The following DCLRE1A variants were observed in gnomAD, a reference collection of about 807,000 sequenced individuals.
The protein encoded by DCLRE1A is DNA cross-link repair 1A protein.
DCLRE1A carries 64 observed loss-of-function variants against 91.9 expected under a neutral mutation model. That is an observed-to-expected ratio of 0.70 (90% CI 0.57 to 0.86). The LOEUF is 0.86. Among genes scored for constraint, DCLRE1A ranks in the 40% least tolerant of loss-of-function variants. The pLI is 0.00. For missense variants in DCLRE1A, 1,145 were observed against 1,213.3 expected (o/e 0.94, Z 0.84); for synonymous variants, 416 against 431.1 (o/e 0.96, Z 0.43).
Position 113,844,116 on chromosome 10 carries a change from T to C in DCLRE1A, c.2507A>G (p.Tyr836Cys), listed in dbSNP as rs1011240314. Residue 836 changes from tyrosine (Y) to cysteine (C), a missense_variant, in exon 5 of 9, where the codon TAC becomes TGC. Tyr to Cys is a radical substitution (Grantham distance 194, BLOSUM62 -2). Transcript: ENST00000361384. Reference protein sequence around the residue: ...LLADQKVHMLYLDTTYCSPEY... With the variant: ...LLADQKVHMLCLDTTYCSPEY... ...AAGCCTCTCTTACGTGGTATCTAAGTACAGCATATGGACTTTCTGGTCCGC... is the reference window on the plus strand; with the variant it reads ...AAGCCTCTCTTACGTGGTATCTAAGCACAGCATATGGACTTTCTGGTCCGC... 2.5e-6 allele frequency: 4 copies of C among 1,614,072 alleles called. No individual in the cohort carries two copies. The African/African-American group carries it at 4.0e-5, about 16-fold the overall frequency.
Position 113,849,547 on chromosome 10 carries a change from TTG to T in DCLRE1A, c.1556_1557del (p.Thr519AsnfsTer9). 1 of 1,613,790 alleles carries T rather than the reference TTG, an allele frequency of 6.2e-7. No individual in the cohort carries two copies. Among genetic ancestry groups the T allele is most frequent in the Non-Finnish European group, 8.5e-7 (1 of 1,179,982 alleles). ...ALEGVPVGKA[T>X]ILNTENLSST... ...CTAGACAAGTTTTCTGTATTTAAAA[TTG>T]TAGCTTTACCAACTGGCACACCCTC... On this transcript the variant is annotated frameshift_variant, in exon 2 of 9. Transcript: ENST00000361384. LOFTEE classifies it high-confidence loss of function.
In DCLRE1A at chr10:113,835,292, T is replaced by C. The variant is rs1039095870; in HGVS notation, c.2983A>G (p.Ser995Gly). The C allele has an allele frequency of 1.2e-6, 2 of 1,605,568 alleles. No homozygotes were observed. The highest frequency in any genetic ancestry group is 2.7e-5 in the African/African-American group (2 of 74,406). The change falls in exon 9 of 9, where the codon AGC (serine) becomes GGC (glycine). Residue 995 changes from serine (S) to glycine (G), a missense_variant. Ser to Gly is a moderately conservative substitution (Grantham distance 56). Coordinates refer to ENST00000361384, the MANE Select transcript of DCLRE1A (RefSeq NM_014881.5). ...SIYGIPYSEH[S>G]SYLEMKRFVQ... ...AAGCGCTTCATTTCTAGGTAGCTGCTGTGTTCACTGTAAGGAATTCCTGTA... is the reference window on the plus strand; with the variant it reads ...AAGCGCTTCATTTCTAGGTAGCTGCCGTGTTCACTGTAAGGAATTCCTGTA...
chr10:113,846,153 G>T (rs1257733270), intron 3 of DCLRE1A, among the ~76,000 whole-genome samples: 1 of 152,060 alleles, frequency 6.6e-6, no homozygotes, highest in Non-Finnish European at 1.5e-5. Flanking sequence ...ATATTTCTCA[G>T]GTGCCTGTGC....
At position 113,849,214 on chromosome 10, in the gene DCLRE1A, A is replaced by G. The variant is rs1845596464; in HGVS notation, c.1891T>C (p.Ser631Pro). The change falls in exon 2 of 9, where the codon TCA becomes CCA. Residue 631 changes from serine (S) to proline (P), a missense_variant. By Grantham distance (74) the Ser-to-Pro change is moderately conservative (BLOSUM62 -1). Coordinates refer to ENST00000361384, the MANE Select transcript of DCLRE1A (RefSeq NM_014881.5). Reference sequence around the variant, plus strand: ...CTACATCTCTTTTTTTGACGCTGTGACCTCTCACTAGAAAGTTCCACAGAA... The same window carrying G: ...CTACATCTCTTTTTTTGACGCTGTGGCCTCTCACTAGAAAGTTCCACAGAA... ...QLSVELSSER[S>P]QRQKKRCRKS... 1 of 1,614,014 alleles carries G rather than the reference A, an allele frequency of 6.2e-7. No homozygotes were observed. The highest frequency in any genetic ancestry group is 1.3e-5 in the African/African-American group (1 of 75,016).
At position 113,835,150 on chromosome 10, in the gene DCLRE1A, C is replaced by T; in HGVS notation, c.*2G>A. The T allele has an allele frequency of 6.2e-7, 1 of 1,612,628 alleles. No individual in the cohort carries two copies. Among genetic ancestry groups the T allele is most frequent in the Non-Finnish European group, 8.5e-7 (1 of 1,179,538 alleles). Reference sequence around the variant, plus strand: ...ACTACTACTGAATCCTCGGAGGTATCATCAATATCCAGCTTCCAATTTCCA... The same window carrying T: ...ACTACTACTGAATCCTCGGAGGTATTATCAATATCCAGCTTCCAATTTCCA... On this transcript the variant is annotated 3_prime_UTR_variant, in exon 9 of 9. Transcript: ENST00000361384.
chr10:113,847,419 C>CT, intron 2 of DCLRE1A, 84 bp from the exon 3 acceptor site: 1 of 1,399,424 alleles, frequency 7.1e-7, no homozygotes, highest in East Asian at 2.3e-5. Context: ...ACCCTCTATC[C>CT]TCTTTACCTC....
In DCLRE1A at chr10:113,849,669, G is replaced by A. The variant is rs916928686; in HGVS notation, c.1436C>T (p.Ser479Phe). 6.2e-7 allele frequency: 1 copy of A among 1,614,142 alleles called. No homozygotes were observed. Among genetic ancestry groups the A allele is most frequent in the Non-Finnish European group, 8.5e-7 (1 of 1,180,026 alleles). The change falls in exon 2 of 9, where the codon TCC (serine) becomes TTC (phenylalanine). Residue 479 changes from serine (S) to phenylalanine (F), a missense_variant. Ser to Phe is a radical substitution (Grantham distance 155, BLOSUM62 -2). Transcript: ENST00000361384. ...TCTAATTGTATTTTGGGTTGGTTGG[G>A]AAGAAAGATACCCTTCTACCTGACT... Reference protein sequence around the residue: ...FESQVEGYLSSQPTQNTIRKL... With the variant: ...FESQVEGYLSFQPTQNTIRKL...
At position 113,842,442 on chromosome 10, in the gene DCLRE1A, G is replaced by A. The variant is rs1202723580; in HGVS notation, c.2566C>T (p.Arg856Trp). Residue 856 changes from arginine (R) to tryptophan (W), a missense_variant, in exon 6 of 9, where the codon CGG becomes TGG. By Grantham distance (101) the Arg-to-Trp change is moderately radical. Transcript: ENST00000361384. ...YTFPSQQEVI[R>W]FAINTAFEAV... The stretch of plus-strand genomic sequence containing the variant: ...TCAAAGGCAGTGTTGATGGCAAACC[G>A]GATAACCTCTTGCTGAGATGGAAAG... 55 of 1,613,744 alleles carry A rather than the reference G, an allele frequency of 3.4e-5. No individual in the cohort carries two copies. The highest frequency in any genetic ancestry group is 4.2e-5 in the Non-Finnish European group (49 of 1,179,828).
At position 113,843,004 on chromosome 10, in the gene DCLRE1A, G is replaced by GTA. The variant is rs539680405; in HGVS notation, c.2520-518_2520-517dup. ...CAGATACAAAATATATATACTATGT[G>GTA]TATATATATGTACATGTGTACACAC... On this transcript the variant is annotated intron_variant, in intron 5 of 8. Coordinates refer to ENST00000361384, the MANE Select transcript of DCLRE1A (RefSeq NM_014881.5). Among the ~76,000 whole-genome samples, 415 of 144,808 alleles carry GTA rather than the reference G, an allele frequency of 2.9e-3. 1 individual carries two copies. The highest frequency in any genetic ancestry group is 0.01 in the African/African-American group (396 of 38,778). 95.0% of individuals were successfully genotyped at this position (144,808 alleles called of 152,430 possible). A position where few individuals can be genotyped will look rare whatever the true frequency, so the allele number is the denominator to read the frequency against.
Position 113,847,335 on chromosome 10 carries a change from C to T in DCLRE1A, c.2126G>A (p.Gly709Glu). ...KTCPFYKKIP[G>E]TGFTVDAFQY... ...AAAGGCATCAACTGTAAAGCCGGTT[C>T]CTGCAATAAAAATACCGACACAGTA... The change falls in exon 3 of 9, where the codon GGA becomes GAA. Residue 709 changes from glycine to glutamate, a missense_variant and splice_region_variant. Gly to Glu is a moderately conservative substitution (Grantham distance 98). Coordinates refer to ENST00000361384, the MANE Select transcript of DCLRE1A (RefSeq NM_014881.5). The T allele has an allele frequency of 6.2e-7, 1 of 1,613,288 alleles. No individual in the cohort carries two copies. The highest frequency in any genetic ancestry group is 8.5e-7 in the Non-Finnish European group (1 of 1,179,558).
At chr10:113,838,100 A>G (rs1845391076) in intron 7 of DCLRE1A, among the ~76,000 whole-genome samples, 1 of 152,146 alleles carries the variant, frequency 6.6e-6, no homozygotes, top group South Asian at 2.1e-4. Context: ...CTACCATAAG[A>G]CAACCATATT....
At chr10:113,842,193 C>CT (rs1300008790) in intron 6 of DCLRE1A, 150 bp downstream of exon 6, 66 of 618,500 alleles carry the variant, frequency 1.1e-4, no homozygotes, top group Non-Finnish European at 1.3e-4. Context: ...ATGTTTCAAA[C>CT]TGTCAAATTT....
rs746541414 is a variant in DCLRE1A, at chr10:113,841,387, A to G, written c.2820+19T>C. On this transcript the variant is annotated intron_variant, in intron 7 of 8. Transcript: ENST00000361384. ...ACCTTTTTTGTTCATCCTAAAAGAC[A>G]TATCTCTTGAATGCTTACCTTAAAA... The G allele has an allele frequency of 1.2e-5, 19 of 1,608,192 alleles. No homozygotes were observed. The highest frequency in any genetic ancestry group is 1.0e-4 in the Admixed American group (6 of 58,990).
chr10:113,841,532 C>T lies in DCLRE1A; in HGVS notation c.2694G>A (p.Val898=), dbSNP rs572707583. 10 of 1,610,042 alleles carry T rather than the reference C, an allele frequency of 6.2e-6. No individual in the cohort carries two copies. The East Asian group carries it at 1.1e-4, about 18-fold the overall frequency. ...TTTTATATTTTTCCTGGGACATGCC[C>T]ACTTTTGAACCTAAAACATCAGCAA... ...LAIADVLGSK[V]GMSQEKYKTL... Residue 898 remains valine, a synonymous_variant, in exon 7 of 9, where the codon GTG becomes GTA. Coordinates refer to ENST00000361384, the MANE Select transcript of DCLRE1A (RefSeq NM_014881.5).
intron 2 of DCLRE1A, among the ~76,000 whole-genome samples, chr10:113,848,279 T>C (rs1845575495): frequency 6.6e-6 from 1 of 152,138 alleles, no homozygotes; most frequent in African/African-American, 2.4e-5. Context: ...ATCGCGCCAC[T>C]GCACTCCAGC....
Position 113,835,032 on chromosome 10 carries a change from G to T in DCLRE1A, c.*120C>A. ...GTTCAAACATAAATGAGAAAATAAAGTATCTGAACAATCTTCATGAGGTTT... is the reference window on the plus strand; with the variant it reads ...GTTCAAACATAAATGAGAAAATAAATTATCTGAACAATCTTCATGAGGTTT... On this transcript the variant is annotated 3_prime_UTR_variant, in exon 9 of 9. Coordinates refer to ENST00000361384, the MANE Select transcript of DCLRE1A (RefSeq NM_014881.5). The T allele has an allele frequency of 2.0e-6, 2 of 1,011,316 alleles. No homozygotes were observed. The highest frequency in any genetic ancestry group is 1.6e-5 in the South Asian group (1 of 61,064). The allele number at this position is 1,011,316 out of a possible 1,614,324, so 62.6% of individuals were successfully genotyped here. A position where few individuals can be genotyped will look rare whatever the true frequency, so the allele number is the denominator to read the frequency against.
Position 113,835,282 on chromosome 10 carries a change from AG to A in DCLRE1A, c.2992del (p.Leu998Ter). 6.2e-7 allele frequency: 1 copy of A among 1,613,156 alleles called. No individual in the cohort carries two copies. The highest frequency in any genetic ancestry group is 8.5e-7 in the Non-Finnish European group (1 of 1,179,710). On this transcript the variant is annotated frameshift_variant, in exon 9 of 9. Transcript: ENST00000361384. LOFTEE classifies it high-confidence loss of function. ...CCACTGGACAAAGCGCTTCATTTCTAGGTAGCTGCTGTGTTCACTGTAAGGA... is the reference window on the plus strand; with the variant it reads ...CCACTGGACAAAGCGCTTCATTTCTAGTAGCTGCTGTGTTCACTGTAAGGA... ...GIPYSEHSSYLEMKRFVQWLK... is the reference protein window; with the variant it reads ...GIPYSEHSSYXEMKRFVQWLK...
chr10:113,850,232 A>G lies in DCLRE1A; in HGVS notation c.873T>C (p.Asn291=), dbSNP rs1028198320. The change falls in exon 2 of 9, where the codon AAT becomes AAC. Residue 291 remains asparagine (N), a synonymous_variant. Transcript: ENST00000361384. The part of the protein sequence containing the change: ...SEHINLPLPE[N]DFSDCEISYS... ...AGGAGATTTCACAGTCACTGAAGTC[A>G]TTTTCTGGCAATGGCAAATTTATGT... The G allele has an allele frequency of 1.9e-6, 3 of 1,614,118 alleles. No individual in the cohort carries two copies. Among genetic ancestry groups the G allele is most frequent in the Non-Finnish European group, 2.5e-6 (3 of 1,180,020 alleles).
At chr10:113,851,852 A>G (rs1845654661) in intron 1 of DCLRE1A, among the ~76,000 whole-genome samples, 1 of 151,966 alleles carries the variant, frequency 6.6e-6, no homozygotes, top group South Asian at 2.1e-4. Flanking sequence ...CAGCCTTCCA[A>G]GTAGCCCACC....
Sources: gnomAD v4.1 joint callset for allele counts (sites outside exome capture counted in the v4.1 genomes callset) on GRCh38, gnomAD v4.1.1 for gene constraint, MANE v1.5 for transcripts, NCBI Gene and HGNC (gene_info 2026-07-23, HGNC 2026-07-21) for gene names.